Variants in ANO1 observed in about 807,000 individuals in gnomAD.
ANO1 encodes the protein anoctamin-1.
ANO1 carries 59 observed loss-of-function variants against 124.0 expected under a neutral mutation model. The observed-to-expected ratio is 0.48, with a 90% CI of 0.39 to 0.59. The LOEUF (loss-of-function observed/expected upper bound fraction) is 0.59, where lower values mean the gene tolerates loss of function less well. ANO1 is among the 20% of genes least tolerant of loss of function. The probability of loss-of-function intolerance (pLI) is 0.00; values close to 1 mark genes in which losing one functional copy is unlikely to be tolerated. For synonymous variants in ANO1, 529 were observed against 532.0 expected (o/e 0.99, Z 0.08); for missense variants, 1,059 against 1,328.0 (o/e 0.80, Z 3.15).
upstream of ANO1, among the ~76,000 whole-genome samples, chr11:69,983,677 T>C (rs1855977471): frequency 6.6e-6 from 1 of 152,132 alleles, no homozygotes; most frequent in Non-Finnish European, 1.5e-5. Context: ...CTTACCAAAA[T>C]AGCAGCCGAG....
the ANO1 span, among the ~76,000 whole-genome samples, chr11:69,976,754 G>A: frequency 6.6e-6 from 1 of 152,176 alleles, no homozygotes; most frequent in Non-Finnish European, 1.5e-5. Context: ...TGTAGCATCT[G>A]CTATGGCAGC....
chr11:70,065,289 G>A (rs1857688971), intron 1 of ANO1: 1 of 152,330 alleles, frequency 6.6e-6, no homozygotes, highest in Non-Finnish European at 1.5e-5. Flanking sequence ...CATCACAGCG[G>A]TTGGGGTCTC....
chr11:69,994,140 G>C (rs189640275), intron 1 of ANO1, among the ~76,000 whole-genome samples: 3 of 150,112 alleles, frequency 2.0e-5, no homozygotes, highest in Non-Finnish European at 3.0e-5. Context: ...GGACCTAAGC[G>C]GTGCATGGGC....
intron 1 of ANO1, among the ~76,000 whole-genome samples, chr11:70,033,167 G>T (rs935736503): frequency 2.0e-5 from 3 of 152,132 alleles, no homozygotes; most frequent in Non-Finnish European, 4.4e-5. Flanking sequence ...TTCACGGGGC[G>T]GTTTCACTTG....
intron 1 of ANO1, among the ~76,000 whole-genome samples, chr11:70,000,595 T>G (rs1856365163): frequency 6.6e-6 from 1 of 151,382 alleles, no homozygotes; most frequent in Non-Finnish European, 1.5e-5. Flanking sequence ...TCTGGAAGAC[T>G]GATAGGCAGA....
chr11:70,169,134 C>T (rs1417921471), intron 21 of ANO1, among the ~76,000 whole-genome samples: 2 of 152,192 alleles, frequency 1.3e-5, no homozygotes, highest in Non-Finnish European at 2.9e-5. Context: ...GCCCAAGACA[C>T]GAGCACAGCC....
chr11:70,127,862 C>A (rs182372256), intron 10 of ANO1, among the ~76,000 whole-genome samples: 10 of 152,358 alleles, frequency 6.6e-5, no homozygotes, highest in Admixed American at 6.5e-4. Flanking sequence ...GTGCCTTCAG[C>A]GTGCAAATCG....
At chr11:70,013,757 G>A (rs1226206327) in intron 1 of ANO1, among the ~76,000 whole-genome samples, 7 of 131,946 alleles carry the variant, frequency 5.3e-5, no homozygotes, top group East Asian at 2.1e-4. Context: ...AACCGAGATC[G>A]CGCCACTGCA....
At chr11:70,055,680 A>C (rs1857422097) in intron 1 of ANO1, among the ~76,000 whole-genome samples, 1 of 152,110 alleles carries the variant, frequency 6.6e-6, no homozygotes, top group South Asian at 2.1e-4. Flanking sequence ...AATTACTGAT[A>C]TATGTCTGGG....
At chr11:70,131,178 A>T (rs2046742079) in intron 10 of ANO1, among the ~76,000 whole-genome samples, 1 of 152,234 alleles carries the variant, frequency 6.6e-6, no homozygotes, top group African/African-American at 2.4e-5. Flanking sequence ...GGGTCACCCC[A>T]GAGGTGAATG....
intron 23 of ANO1, among the ~76,000 whole-genome samples, chr11:70,181,212 C>T (rs978280198): frequency 1.3e-5 from 2 of 152,236 alleles, no homozygotes; most frequent in African/African-American, 4.8e-5. Flanking sequence ...AAAGTTGACA[C>T]CATGCACATG....
At chr11:70,178,890 GA>G in intron 22 of ANO1, among the ~76,000 whole-genome samples, 1 of 152,364 alleles carries the variant, frequency 6.6e-6, no homozygotes, top group East Asian at 1.9e-4. Context: ...GATTGATGAT[GA>G]TTGTGACTGT....
Position 70,049,200 on chromosome 11 carries a change from GCTCCCAC to G in ANO1, c.59-29340_59-29334del, listed in dbSNP as rs1555006027. ...ACATGAAGTGGGAGCTGGAAGCTCAGCTCCCACCACCAGCGCTTCTCAATGCTCCCAA... is the reference window on the plus strand; with the variant it reads ...ACATGAAGTGGGAGCTGGAAGCTCAGCACCAGCGCTTCTCAATGCTCCCAA... On this transcript the variant is annotated intron_variant, in intron 1 of 27. Transcript: ENST00000531349. Among the ~76,000 whole-genome samples the G allele has an allele frequency of 2.3e-4, 35 of 152,296 alleles. No homozygotes were observed. In the South Asian group the frequency reaches 7.3e-3, roughly 32 times the overall value.
chr11:70,126,141 T>TG lies in ANO1; in HGVS notation c.1046dup (p.Ile350AsnfsTer13), dbSNP rs1484585448. On this transcript the variant is annotated frameshift_variant, in exon 10 of 26. Coordinates refer to ENST00000355303, the MANE Select transcript of ANO1 (RefSeq NM_018043.7). LOFTEE classifies it high-confidence loss of function. Reference sequence around the variant, plus strand: ...CAGATGCTCATCCCTGCCTCCATCGTGGGAATCATTGTCTTCCTGTACGGA... The same window carrying TG: ...CAGATGCTCATCCCTGCCTCCATCGTGGGGAATCATTGTCTTCCTGTACGGA... 1.2e-6 allele frequency: 2 copies of TG among 1,613,596 alleles called. No homozygotes were observed. The highest frequency in any genetic ancestry group is 1.7e-6 in the Non-Finnish European group (2 of 1,179,786).
intron 1 of ANO1, among the ~76,000 whole-genome samples, chr11:70,063,298 GA>G (rs1314749899): frequency 6.6e-6 from 1 of 152,168 alleles, no homozygotes; most frequent in Non-Finnish European, 1.5e-5. Context: ...TGAGGGTAGA[GA>G]AAGGCAAGAT....
At chr11:69,967,940 T>C in the ANO1 span, among the ~76,000 whole-genome samples, 4 of 152,190 alleles carry the variant, frequency 2.6e-5, no homozygotes, top group African/African-American at 9.6e-5. Flanking sequence ...GCAACACTCA[T>C]GGAGTGGCTG....
intron 1 of ANO1, among the ~76,000 whole-genome samples, chr11:70,013,605 C>A (rs556191832): frequency 6.9e-6 from 1 of 145,784 alleles, no homozygotes; most frequent in Non-Finnish European, 1.5e-5. Flanking sequence ...ATGGTGAAAC[C>A]CCGTCTCCAC....
chr11:70,041,876 G>A (rs1224508752), intron 1 of ANO1, among the ~76,000 whole-genome samples: 6 of 152,078 alleles, frequency 3.9e-5, no homozygotes, highest in African/African-American at 9.7e-5. Flanking sequence ...TGGGTTAAAC[G>A]CATATGTCTT....
chr11:70,149,863 A>G (rs1180532553), intron 12 of ANO1, 71 bp downstream of exon 12: 4 of 1,531,266 alleles, frequency 2.6e-6, no homozygotes, highest in Non-Finnish European at 3.6e-6. Context: ...CCTCCTTGGG[A>G]CTTACACGGA....
Sources: gnomAD v4.1 joint callset for allele counts (sites outside exome capture counted in the v4.1 genomes callset) on GRCh38, gnomAD v4.1.1 for gene constraint, MANE v1.5 for transcripts, NCBI Gene and HGNC (gene_info 2026-07-23, HGNC 2026-07-21) for gene names.